Variants in CFAP206 observed in about 807,000 individuals in gnomAD.
CFAP206 encodes cilia and flagella associated protein 206, also known as cilia- and flagella-associated protein 206.
A neutral mutation model predicts 65.4 loss-of-function variants in CFAP206; 53 were observed. The observed-to-expected ratio is 0.81, with a 90% CI of 0.65 to 1.02. The LOEUF (loss-of-function observed/expected upper bound fraction) is 1.02, where lower values mean the gene tolerates loss of function less well. Among genes scored for constraint, CFAP206 ranks in the 50% least tolerant of loss-of-function variants. The pLI is 0.00. For synonymous variants in CFAP206, 250 were observed against 254.4 expected (o/e 0.98, Z 0.17); for missense variants, 663 against 753.2 (o/e 0.88, Z 1.40).
intron 10 of CFAP206, among the ~76,000 whole-genome samples, chr6:87,431,533 G>C (rs1439822480): frequency 6.6e-6 from 1 of 152,136 alleles, no homozygotes; most frequent in Admixed American, 6.5e-5. Flanking sequence ...TGGGAGGTCA[G>C]GGCGGGTGGA....
chr6:87,450,157 G>GTATTCTATT (rs555503268), intron 11 of CFAP206, among the ~76,000 whole-genome samples: 37 of 152,068 alleles, frequency 2.4e-4, no homozygotes, highest in Non-Finnish European at 5.0e-4. Context: ...TCTGGGTTCT[G>GTATTCTATT]TATTCTATTC....
chr6:87,422,122 A>G (rs1348376964), intron 7 of CFAP206, among the ~76,000 whole-genome samples: 1 of 152,148 alleles, frequency 6.6e-6, no homozygotes, highest in Admixed American at 6.6e-5. Flanking sequence ...TTTTTAAGTG[A>G]TAGCATTTTT....
intron 11 of CFAP206, among the ~76,000 whole-genome samples, chr6:87,450,285 C>G (rs543395588): frequency 2.6e-5 from 4 of 152,138 alleles, no homozygotes; most frequent in African/African-American, 9.6e-5. Context: ...CTCAGGATTG[C>G]TTGACTAGTC....
chr6:87,450,958 A>T (rs1768532497), intron 11 of CFAP206, among the ~76,000 whole-genome samples: 1 of 152,220 alleles, frequency 6.6e-6, no homozygotes, highest in East Asian at 1.9e-4. Context: ...ATAAAGCAGT[A>T]CAGGGCAGAA....
Position 87,434,859 on chromosome 6 carries a change from G to T in CFAP206, c.1301-1G>T. The T allele has an allele frequency of 1.5e-6, 2 of 1,311,200 alleles. No homozygotes were observed. The highest frequency in any genetic ancestry group is 1.1e-6 in the Non-Finnish European group (1 of 945,530). 81.2% of individuals were successfully genotyped at this position (1,311,200 alleles called of 1,614,324 possible). On this transcript the variant is annotated splice_acceptor_variant, in intron 10 of 12. Coordinates refer to ENST00000369562, the MANE Select transcript of CFAP206 (RefSeq NM_001031743.3). LOFTEE classifies it high-confidence loss of function. Reference sequence around the variant, plus strand: ...ATATCTAATTCTTTTTTTATTTTCAGGAAATCCAGCAATTGGAATTTTAAA... The same window carrying T: ...ATATCTAATTCTTTTTTTATTTTCATGAAATCCAGCAATTGGAATTTTAAA...
At chr6:87,418,530 G>T (rs964612859) in intron 7 of CFAP206, 114 bp downstream of exon 7, 1 of 804,560 alleles carries the variant, frequency 1.2e-6, no homozygotes, top group Non-Finnish European at 2.0e-6. Flanking sequence ...TAACTGCTCG[G>T]TTTATATTGC....
rs546180518 is a variant in CFAP206 at position 87,460,621 on chromosome 6, T to A, written c.1495-401T>A. Among the ~76,000 whole-genome samples, 5 of 152,236 alleles carry A rather than the reference T, an allele frequency of 3.3e-5. No homozygotes were observed. In the East Asian group the frequency reaches 9.7e-4, roughly 29 times the overall value. Reference sequence around the variant, plus strand: ...GATGGGACCAGTAGACACTGGAGACTGCAACAGTGGAAAGAGTGGGAGGGG... The same window carrying A: ...GATGGGACCAGTAGACACTGGAGACAGCAACAGTGGAAAGAGTGGGAGGGG... On this transcript the variant is annotated intron_variant, in intron 11 of 12. Coordinates refer to ENST00000369562, the MANE Select transcript of CFAP206 (RefSeq NM_001031743.3).
At chr6:87,438,605 T>C (rs536183917) in intron 11 of CFAP206, among the ~76,000 whole-genome samples, 1 of 152,246 alleles carries the variant, frequency 6.6e-6, no homozygotes, top group African/African-American at 2.4e-5. Context: ...TCTTTTGTGA[T>C]AATTTTTATT....
chr6:87,423,107 C>T (rs1182773663), intron 7 of CFAP206, among the ~76,000 whole-genome samples: 2 of 151,772 alleles, frequency 1.3e-5, no homozygotes, highest in African/African-American at 2.4e-5. Context: ...TTAGTAGAGA[C>T]GGGGTTTCAC....
intron 10 of CFAP206, among the ~76,000 whole-genome samples, chr6:87,432,133 C>T (rs1048474658): frequency 3.3e-5 from 5 of 152,032 alleles, no homozygotes; most frequent in Admixed American, 6.6e-5. Flanking sequence ...ACGCCATTAA[C>T]CTTATTTTTC....
chr6:87,417,435 T>A (rs1767852562), intron 6 of CFAP206, among the ~76,000 whole-genome samples: 1 of 152,132 alleles, frequency 6.6e-6, no homozygotes, highest in Non-Finnish European at 1.5e-5. Context: ...AAAAGGGTAA[T>A]TTTTTCTATT....
chr6:87,443,816 A>C (rs916917654), intron 11 of CFAP206, among the ~76,000 whole-genome samples: 70 of 152,110 alleles, frequency 4.6e-4, no homozygotes, highest in African/African-American at 1.6e-3. Flanking sequence ...TGTTGTTGCC[A>C]TCTTGATGTC....
intron 7 of CFAP206, among the ~76,000 whole-genome samples, chr6:87,423,692 G>T (rs1767988337): frequency 6.6e-6 from 1 of 152,032 alleles, no homozygotes; most frequent in Admixed American, 6.6e-5. Context: ...CTGCATTTTC[G>T]TATTGATTCC....
intron 11 of CFAP206, among the ~76,000 whole-genome samples, chr6:87,443,370 C>T (rs2127954607): frequency 6.6e-6 from 1 of 152,196 alleles, no homozygotes. Context: ...CTTGCCAGAG[C>T]ACTAGTTTCT....
intron 12 of CFAP206, 63 bp from the exon 13 acceptor site, chr6:87,463,956 GA>G: frequency 7.6e-7 from 1 of 1,319,170 alleles, no homozygotes; most frequent in Non-Finnish European, 1.0e-6. Context: ...ACTGGTATCT[GA>G]TAATATTTTA....
At chr6:87,444,436 G>A (rs971313555) in intron 11 of CFAP206, 1 of 224,272 alleles carries the variant, frequency 4.5e-6, no homozygotes, top group South Asian at 7.8e-5. Context: ...TTACTAATGA[G>A]ATTTGTAACC....
chr6:87,454,356 A>G (rs1768599532), intron 11 of CFAP206, among the ~76,000 whole-genome samples: 1 of 152,230 alleles, frequency 6.6e-6, no homozygotes, highest in Admixed American at 6.5e-5. Flanking sequence ...AAGAAACATC[A>G]GACTTAATCT....
At chr6:87,452,311 T>A (rs962115030) in intron 11 of CFAP206, among the ~76,000 whole-genome samples, 21 of 152,198 alleles carry the variant, frequency 1.4e-4, no homozygotes, top group Non-Finnish European at 7.3e-5. Context: ...AAGTCATAGA[T>A]CACAACACTC....
chr6:87,423,227 T>C (rs1483495797), intron 7 of CFAP206, among the ~76,000 whole-genome samples: 2 of 129,068 alleles, frequency 1.5e-5, no homozygotes, highest in Non-Finnish European at 3.2e-5. Context: ...CCTTAGAATA[T>C]TTTTTTATTT....
Sources: allele counts gnomAD v4.1 joint callset (sites outside exome capture counted in the v4.1 genomes callset), GRCh38; gene constraint gnomAD v4.1.1; transcripts MANE v1.5; gene names NCBI Gene and HGNC (gene_info 2026-07-23, HGNC 2026-07-21).